SLC9A9: variants seen among roughly 807,000 people sequenced by gnomAD.
SLC9A9 encodes solute carrier family 9 member A9.
SLC9A9 carries 62 observed loss-of-function variants against 77.8 expected under a neutral mutation model. The observed-to-expected ratio is 0.80, with a 90% CI of 0.65 to 0.98. The LOEUF is 0.98. Ranked by LOEUF, SLC9A9 falls within the 50% of genes least tolerant of loss-of-function variation. The probability of loss-of-function intolerance (pLI) is 0.00; values close to 1 mark genes in which losing one functional copy is unlikely to be tolerated. For synonymous variants in SLC9A9, 320 were observed against 283.5 expected, an observed-to-expected ratio of 1.13 and a Z score of -1.29; for missense variants, 775 against 774.9, an observed-to-expected ratio of 1.00 and a Z score of 0.00.
chr3:143,582,472 C>A (rs966610092), intron 6 of SLC9A9, among the ~76,000 whole-genome samples: 3 of 152,150 alleles, frequency 2.0e-5, no homozygotes, highest in African/African-American at 7.2e-5. Context: ...CCACAAGTCT[C>A]ACAATAACAA....
At chr3:143,492,981 G>GT (rs139277662) in intron 11 of SLC9A9, among the ~76,000 whole-genome samples, 2,134 of 152,310 alleles carry the variant, frequency 0.014, 41 homozygotes, top group East Asian at 0.12. Context: ...AATCTCCAGA[G>GT]CTTTCAAGGT....
chr3:143,562,847 C>T (rs2037109255), intron 8 of SLC9A9, among the ~76,000 whole-genome samples: 3 of 151,886 alleles, frequency 2.0e-5, no homozygotes, highest in African/African-American at 7.3e-5. Flanking sequence ...CAACTACATA[C>T]ATCTGGGTCC....
At chr3:143,595,223 G>A (rs1489603359) in intron 6 of SLC9A9, among the ~76,000 whole-genome samples, 2 of 152,200 alleles carry the variant, frequency 1.3e-5, no homozygotes, top group Non-Finnish European at 2.9e-5. Flanking sequence ...TTGCTGAGCT[G>A]TTGGGGAGAT....
chr3:143,324,945 A>G (rs1274983132), intron 14 of SLC9A9, among the ~76,000 whole-genome samples: 1 of 152,196 alleles, frequency 6.6e-6, no homozygotes, highest in Non-Finnish European at 1.5e-5. Context: ...TCTTTTAAAA[A>G]TAATGTCAGT....
intron 4 of SLC9A9, among the ~76,000 whole-genome samples, chr3:143,698,553 T>C (rs1933704441): frequency 6.6e-6 from 1 of 152,172 alleles, no homozygotes; most frequent in Admixed American, 6.6e-5. Context: ...CATGAGGTAG[T>C]TTCACACTAT....
chr3:143,404,786 T>G (rs2033941806), intron 12 of SLC9A9, among the ~76,000 whole-genome samples: 1 of 152,254 alleles, frequency 6.6e-6, no homozygotes, highest in Admixed American at 6.5e-5. Context: ...TTTAATGGCT[T>G]GCCTAGACAA....
rs6780815 is a variant in SLC9A9, at chr3:143,725,155, A to G, written c.534-31848T>C. 6.1e-3 allele frequency among the ~76,000 whole-genome samples: 933 copies of G among 152,298 alleles called. 18 individuals carry two copies. Among genetic ancestry groups the G allele is most frequent in the African/African-American group, 0.022 (902 of 41,558 alleles). On this transcript the variant is annotated intron_variant, in intron 4 of 15. Transcript: ENST00000316549. ...TAAAGGCTTTGAAGACAGGAGAGGC[A>G]TCTTTTTCTTTATTCTAGCCTGGTG...
intron 14 of SLC9A9, among the ~76,000 whole-genome samples, chr3:143,355,591 A>G (rs532079782): frequency 1.9e-4 from 29 of 152,246 alleles, no homozygotes; most frequent in Non-Finnish European, 4.0e-4. Context: ...ATAAAAACCA[A>G]CAGTGGAATG....
chr3:143,782,934 C>A (rs2007928221), intron 4 of SLC9A9, among the ~76,000 whole-genome samples: 1 of 152,064 alleles, frequency 6.6e-6, no homozygotes, highest in Non-Finnish European at 1.5e-5. Flanking sequence ...CCCATGATGG[C>A]CTTAATTGCT....
chr3:143,403,146 C>T (rs2033901587), intron 12 of SLC9A9, among the ~76,000 whole-genome samples: 1 of 152,022 alleles, frequency 6.6e-6, no homozygotes, highest in South Asian at 2.1e-4. Flanking sequence ...ATCAATCTTG[C>T]ATCTTTTTAA....
chr3:143,425,264 CTTTTTT>C (rs200568656), intron 12 of SLC9A9, among the ~76,000 whole-genome samples: 11 of 98,568 alleles, frequency 1.1e-4, no homozygotes, highest in African/African-American at 2.0e-4. Flanking sequence ...TGAGGCTTAG[CTTTTTT>C]TTTTTTTTTT....
At chr3:143,748,002 C>G (rs74757431) in intron 4 of SLC9A9, among the ~76,000 whole-genome samples, 3 of 152,146 alleles carry the variant, frequency 2.0e-5, no homozygotes, top group Admixed American at 1.3e-4. Flanking sequence ...CTCCACGAAC[C>G]CCTTTCCTAA....
intron 14 of SLC9A9, among the ~76,000 whole-genome samples, chr3:143,287,137 A>T (rs1938402884): frequency 6.6e-6 from 1 of 151,584 alleles, no homozygotes; most frequent in African/African-American, 2.4e-5. Context: ...AGCGGGGTGC[A>T]GAATAACTGC....
At chr3:143,497,706 C>T (rs1438547025) in intron 9 of SLC9A9, among the ~76,000 whole-genome samples, 1 of 152,176 alleles carries the variant, frequency 6.6e-6, no homozygotes, top group East Asian at 1.9e-4. Flanking sequence ...GAAGAGATCA[C>T]GAAATCACTT....
At chr3:143,589,067 C>T (rs1010813483) in intron 6 of SLC9A9, among the ~76,000 whole-genome samples, 6 of 152,164 alleles carry the variant, frequency 3.9e-5, no homozygotes, top group African/African-American at 1.4e-4. Flanking sequence ...GCAAGCAAGA[C>T]CAAATATTAA....
At chr3:143,590,282 G>A (rs1327639800) in intron 6 of SLC9A9, among the ~76,000 whole-genome samples, 1 of 152,182 alleles carries the variant, frequency 6.6e-6, no homozygotes, top group Non-Finnish European at 1.5e-5. Flanking sequence ...GTTAATATGT[G>A]TATAGTGCTT....
At chr3:143,301,526 T>C (rs1055507390) in intron 14 of SLC9A9, among the ~76,000 whole-genome samples, 1 of 152,156 alleles carries the variant, frequency 6.6e-6, no homozygotes, top group African/African-American at 2.4e-5. Context: ...AAGCCTTCAG[T>C]AGGCAAGAGT....
At chr3:143,367,605 G>A (rs2032946551) in intron 13 of SLC9A9, among the ~76,000 whole-genome samples, 1 of 152,160 alleles carries the variant, frequency 6.6e-6, no homozygotes, top group African/African-American at 2.4e-5. Context: ...AGGGAAGGCC[G>A]GTCTTTGAAA....
chr3:143,753,534 C>G (rs1321923558), intron 4 of SLC9A9, among the ~76,000 whole-genome samples: 1 of 152,192 alleles, frequency 6.6e-6, no homozygotes, highest in Non-Finnish European at 1.5e-5. Flanking sequence ...GCATTTTGTT[C>G]TTTCCTAGGA....
Sources: allele counts gnomAD v4.1 joint callset (sites outside exome capture counted in the v4.1 genomes callset), GRCh38; gene constraint gnomAD v4.1.1; transcripts MANE v1.5; gene names NCBI Gene and HGNC (gene_info 2026-07-23, HGNC 2026-07-21).